The following RUNX1T1 variants were observed in gnomAD, a reference collection of about 807,000 sequenced individuals.
The protein encoded by RUNX1T1 is RUNX1 partner transcriptional co-repressor 1, also known as protein CBFA2T1.
A neutral mutation model predicts 62.8 loss-of-function variants in RUNX1T1; 4 were observed. That is an observed-to-expected ratio of 0.06 (90% CI 0.03 to 0.15). The LOEUF is 0.15. Ranked by LOEUF, RUNX1T1 falls within the 10% of genes least tolerant of loss-of-function variation. RUNX1T1 has a pLI of 1.00. For synonymous variants in RUNX1T1, 291 were observed against 286.0 expected, an observed-to-expected ratio of 1.02 and a Z score of -0.18; for missense variants, 508 against 754.3, an observed-to-expected ratio of 0.67 and a Z score of 3.82.
intron 1 of RUNX1T1, among the ~76,000 whole-genome samples, chr8:92,060,553 A>ATATATATATATG: frequency 4.5e-4 from 29 of 63,936 alleles, no homozygotes; most frequent in African/African-American, 1.5e-3. Context: ...ATATATATAT[A>ATATATATATATG]TGTGTGTGTG....
At chr8:92,000,753 C>A (rs1033833846) in intron 5 of RUNX1T1, among the ~76,000 whole-genome samples, 3 of 152,172 alleles carry the variant, frequency 2.0e-5, no homozygotes, top group Admixed American at 6.5e-5. Flanking sequence ...GGAACACAGG[C>A]TAGCTGTGGC....
chr8:92,019,641 T>C (rs1361362740), intron 1 of RUNX1T1, among the ~76,000 whole-genome samples: 1 of 152,130 alleles, frequency 6.6e-6, no homozygotes, highest in Non-Finnish European at 1.5e-5. Context: ...AACTTAAACA[T>C]ATTTGAAGGC....
At chr8:92,036,158 T>C (rs1423466316) in intron 1 of RUNX1T1, among the ~76,000 whole-genome samples, 2 of 152,206 alleles carry the variant, frequency 1.3e-5, no homozygotes, top group Admixed American at 1.3e-4. Flanking sequence ...TGAAGAATTA[T>C]AATGGCGAGA....
chr8:92,058,053 T>C (rs1384592507), intron 1 of RUNX1T1, among the ~76,000 whole-genome samples: 2 of 152,090 alleles, frequency 1.3e-5, no homozygotes, highest in Non-Finnish European at 2.9e-5. Flanking sequence ...TTGTGCATCC[T>C]TCCCCTATGT....
At chr8:91,966,003 A>C (rs921536672) in intron 10 of RUNX1T1, among the ~76,000 whole-genome samples, 1 of 151,828 alleles carries the variant, frequency 6.6e-6, no homozygotes, top group African/African-American at 2.4e-5. Flanking sequence ...AATTTTGCAG[A>C]TGAGAAAACC....
intron 1 of RUNX1T1, among the ~76,000 whole-genome samples, chr8:92,044,036 A>G (rs72671424): frequency 0.18 from 26,487 of 151,214 alleles, 2,533 homozygotes; most frequent in Non-Finnish European, 0.22. Flanking sequence ...TAAATTCTTT[A>G]TCAGATAGTG....
chr8:92,072,494 T>A (rs1354815196), intron 2 of RUNX1T1, among the ~76,000 whole-genome samples: 1 of 152,044 alleles, frequency 6.6e-6, no homozygotes, highest in African/African-American at 2.4e-5. Context: ...TACTCTTCTT[T>A]CATCTCAAAA....
chr8:91,986,624 C>A (rs1341162474), intron 7 of RUNX1T1, among the ~76,000 whole-genome samples: 5 of 152,174 alleles, frequency 3.3e-5, no homozygotes, highest in East Asian at 1.9e-4. Flanking sequence ...AATTAAATGA[C>A]CTTTTCACAA....
intron 2 of RUNX1T1, among the ~76,000 whole-genome samples, chr8:92,071,592 A>T (rs1833678789): frequency 6.6e-6 from 1 of 151,966 alleles, no homozygotes; most frequent in Admixed American, 6.6e-5. Flanking sequence ...TCCTGACCAA[A>T]CCCTCTTCCA....
chr8:92,049,026 A>C (rs923455416), intron 1 of RUNX1T1, among the ~76,000 whole-genome samples: 1 of 152,336 alleles, frequency 6.6e-6, no homozygotes, highest in Middle Eastern at 3.4e-3. Context: ...CAGCACACCT[A>C]GCACAGATTA....
chr8:92,076,197 A>T, intron 1 of RUNX1T1, 60 bp from the exon 2 acceptor site: 1 of 1,344,016 alleles, frequency 7.4e-7, no homozygotes, highest in Non-Finnish European at 9.7e-7. Context: ...GAAGTATCAT[A>T]CCCATCTGTT....
At chr8:92,010,875 C>A (rs11781118) in intron 4 of RUNX1T1, 127 bp downstream of exon 5, 6 of 571,024 alleles carry the variant, frequency 1.1e-5, no homozygotes, top group Admixed American at 6.2e-5. Context: ...TAAATACAAT[C>A]GATTCAGATA....
intron 6 of RUNX1T1, among the ~76,000 whole-genome samples, chr8:91,991,221 C>T (rs749515329): frequency 6.6e-5 from 10 of 152,084 alleles, no homozygotes; most frequent in Non-Finnish European, 8.8e-5. Context: ...TCAAAATAAA[C>T]GTAGAGACTA....
At chr8:91,983,314 A>T (rs1291245025) in intron 8 of RUNX1T1, among the ~76,000 whole-genome samples, 1 of 152,164 alleles carries the variant, frequency 6.6e-6, no homozygotes, top group Non-Finnish European at 1.5e-5. Flanking sequence ...TACTACAGAT[A>T]TATTTCAAAA....
intron 10 of RUNX1T1, among the ~76,000 whole-genome samples, chr8:91,970,270 C>A (rs1812545695): frequency 6.6e-6 from 1 of 152,084 alleles, no homozygotes; most frequent in Non-Finnish European, 1.5e-5. Context: ...CCCAAGCCTG[C>A]CAGATGGCTT....
At chr8:91,965,092 T>C (rs1197064508) in intron 10 of RUNX1T1, among the ~76,000 whole-genome samples, 1 of 151,710 alleles carries the variant, frequency 6.6e-6, no homozygotes, top group African/African-American at 2.4e-5. Flanking sequence ...AAAGAGAGAG[T>C]AGATACAGTC....
At chr8:91,961,738 G>A (rs182498659) in intron 10 of RUNX1T1, among the ~76,000 whole-genome samples, 54 of 152,288 alleles carry the variant, frequency 3.5e-4, no homozygotes, top group African/African-American at 1.0e-3. Flanking sequence ...TGGCAAGACC[G>A]ATCCCATTAT....
chr8:92,055,248 A>G (rs889654905), intron 1 of RUNX1T1, among the ~76,000 whole-genome samples: 27 of 152,302 alleles, frequency 1.8e-4, no homozygotes, highest in Middle Eastern at 3.4e-3. Flanking sequence ...ATCAAAATAT[A>G]GATAAAGATA....
intron 5 of RUNX1T1, chr8:92,003,486 G>A (rs190888226): frequency 2.8e-5 from 12 of 429,386 alleles, no homozygotes; most frequent in Non-Finnish European, 4.7e-5. Flanking sequence ...AATTTTGCCT[G>A]CAGGATCATC....
Sources: allele counts gnomAD v4.1 joint callset (sites outside exome capture counted in the v4.1 genomes callset), GRCh38; gene constraint gnomAD v4.1.1; transcripts MANE v1.5; gene names NCBI Gene and HGNC (gene_info 2026-07-23, HGNC 2026-07-21).